ZFPM2: variants seen among roughly 807,000 people sequenced by gnomAD.
ZFPM2 encodes zinc finger protein ZFPM2.
ZFPM2 carries 20 observed loss-of-function variants against 98.6 expected under a neutral mutation model. The observed-to-expected ratio is 0.20, with a 90% CI of 0.14 to 0.29. ZFPM2 has a LOEUF of 0.29. Ranked by LOEUF, ZFPM2 falls within the 10% of genes least tolerant of loss-of-function variation. The pLI, the probability that ZFPM2 is intolerant of heterozygous loss-of-function variation, is 1.00. For missense variants in ZFPM2, 1,310 were observed against 1,388.6 expected, an observed-to-expected ratio of 0.94 and a Z score of 0.90; for synonymous variants, 518 against 502.7, an observed-to-expected ratio of 1.03 and a Z score of -0.41.
intron 4 of ZFPM2, among the ~76,000 whole-genome samples, chr8:105,607,174 A>C (rs931311684): frequency 3.9e-5 from 6 of 152,136 alleles, no homozygotes; most frequent in African/African-American, 1.4e-4. Context: ...ATTGGCTTAC[A>C]AATAGGTAAC....
chr8:105,783,976 T>C (rs548227062), intron 5 of ZFPM2, among the ~76,000 whole-genome samples: 8 of 152,306 alleles, frequency 5.3e-5, no homozygotes, highest in African/African-American at 1.7e-4. Context: ...TGTACAATTT[T>C]ACATACCCTC....
chr8:105,553,019 C>T (rs1814900180), intron 3 of ZFPM2, among the ~76,000 whole-genome samples: 1 of 151,788 alleles, frequency 6.6e-6, no homozygotes, highest in East Asian at 1.9e-4. Flanking sequence ...CCATGTTGCC[C>T]AGGCTGGTCT....
At chr8:105,499,681 AT>A (rs11295646) in intron 3 of ZFPM2, among the ~76,000 whole-genome samples, 103,209 of 151,226 alleles carry the variant, frequency 0.68, 35,690 homozygotes, top group African/African-American at 0.79. Flanking sequence ...TGAAACACTC[AT>A]TTTTTTTTCA....
chr8:105,584,887 A>G (rs1815679455), intron 4 of ZFPM2, among the ~76,000 whole-genome samples: 1 of 152,190 alleles, frequency 6.6e-6, no homozygotes, highest in Non-Finnish European at 1.5e-5. Flanking sequence ...CTTTAAAGGT[A>G]GAACGTTGGT....
intron 5 of ZFPM2, among the ~76,000 whole-genome samples, chr8:105,759,169 T>C (rs1319830465): frequency 6.6e-6 from 1 of 152,152 alleles, no homozygotes; most frequent in African/African-American, 2.4e-5. Flanking sequence ...GGCATGACAT[T>C]ATTACTTTAT....
intron 4 of ZFPM2, among the ~76,000 whole-genome samples, chr8:105,567,253 G>A (rs1586467779): frequency 6.6e-6 from 1 of 152,138 alleles, no homozygotes; most frequent in African/African-American, 2.4e-5. Context: ...TGCTCAGTGG[G>A]CACACCTGTG....
intron 4 of ZFPM2, among the ~76,000 whole-genome samples, chr8:105,633,675 C>A (rs1464268341): frequency 2.0e-5 from 3 of 152,124 alleles, no homozygotes; most frequent in Non-Finnish European, 2.9e-5. Flanking sequence ...TTTCTGGAGA[C>A]AATGTATGGT....
chr8:105,438,417 C>T (rs540601975), intron 2 of ZFPM2, among the ~76,000 whole-genome samples: 1 of 152,320 alleles, frequency 6.6e-6, no homozygotes, highest in South Asian at 2.1e-4. Flanking sequence ...CACTTTGTAT[C>T]ACTTCTGTTT....
chr8:105,582,589 TGTTTGTTTGTTC>T (rs981963958), intron 4 of ZFPM2, among the ~76,000 whole-genome samples: 2 of 152,028 alleles, frequency 1.3e-5, no homozygotes, highest in African/African-American at 4.8e-5. Context: ...TTGGCAGCAG[TGTTTGTTTGTTC>T]GTTTGTTTGT....
intron 5 of ZFPM2, among the ~76,000 whole-genome samples, chr8:105,681,466 G>C (rs1213557050): frequency 6.6e-6 from 1 of 151,948 alleles, no homozygotes; most frequent in African/African-American, 2.4e-5. Flanking sequence ...ATAATAGTTT[G>C]TCTGTAGATT....
intron 2 of ZFPM2, among the ~76,000 whole-genome samples, chr8:105,431,372 A>G (rs1481924512): frequency 6.6e-6 from 1 of 152,210 alleles, no homozygotes. Flanking sequence ...TAATTAATGA[A>G]TGAAAGCATA....
chr8:105,500,476 A>G (rs1813568595), intron 3 of ZFPM2, among the ~76,000 whole-genome samples: 1 of 152,132 alleles, frequency 6.6e-6, no homozygotes, highest in Non-Finnish European at 1.5e-5. Context: ...TGTGTATGTT[A>G]TAATTTTTTC....
At chr8:105,800,555 C>G (rs1429575892) in intron 7 of ZFPM2, among the ~76,000 whole-genome samples, 1 of 151,986 alleles carries the variant, frequency 6.6e-6, no homozygotes, top group Non-Finnish European at 1.5e-5. Context: ...AAAATGGTTT[C>G]TATTTGGCCT....
intron 1 of ZFPM2, among the ~76,000 whole-genome samples, chr8:105,337,148 T>G (rs1563610115): frequency 6.6e-6 from 1 of 151,730 alleles, no homozygotes; most frequent in Non-Finnish European, 1.5e-5. Flanking sequence ...GCTATTTCTA[T>G]CTCATCATTA....
chr8:105,686,731 C>T (rs550595345), intron 5 of ZFPM2, among the ~76,000 whole-genome samples: 134 of 152,192 alleles, frequency 8.8e-4, no homozygotes, highest in African/African-American at 3.1e-3. Context: ...AGTTAGCACA[C>T]GGTATTGACA....
chr8:105,582,741 G>A (rs1815630020), intron 4 of ZFPM2, among the ~76,000 whole-genome samples: 2 of 152,158 alleles, frequency 1.3e-5, no homozygotes, highest in East Asian at 1.9e-4. Flanking sequence ...CCACAAGCAT[G>A]TGCCACCATC....
At chr8:105,336,029 G>A (rs1349817568) in intron 1 of ZFPM2, among the ~76,000 whole-genome samples, 3 of 151,766 alleles carry the variant, frequency 2.0e-5, no homozygotes, top group Non-Finnish European at 2.9e-5. Context: ...CTGCCTATCC[G>A]ATGGCATTTG....
In ZFPM2 at chr8:105,768,706, T is replaced by C. The variant is rs1038848641; in HGVS notation, c.533-20012T>C. Among the ~76,000 whole-genome samples, 3 of 151,928 alleles carry C rather than the reference T, an allele frequency of 2.0e-5. No individual in the cohort carries two copies. The East Asian group carries it at 5.8e-4, about 29-fold the overall frequency. ...TTATCCCTTGAACTCTTTATTACAATGGATATAATAAAAATACCTACCTTG... is the reference window on the plus strand; with the variant it reads ...TTATCCCTTGAACTCTTTATTACAACGGATATAATAAAAATACCTACCTTG... On this transcript the variant is annotated intron_variant, in intron 5 of 7. Coordinates refer to ENST00000407775, the MANE Select transcript of ZFPM2 (RefSeq NM_012082.4).
At chr8:105,389,088 T>G (rs1334308759) in intron 1 of ZFPM2, among the ~76,000 whole-genome samples, 1 of 149,340 alleles carries the variant, frequency 6.7e-6, no homozygotes, top group Non-Finnish European at 1.5e-5. Context: ...GAATAGATAC[T>G]CTGACCCTTC....
Sources: gnomAD v4.1 joint callset for allele counts (sites outside exome capture counted in the v4.1 genomes callset) on GRCh38, gnomAD v4.1.1 for gene constraint, MANE v1.5 for transcripts, NCBI Gene and HGNC (gene_info 2026-07-23, HGNC 2026-07-21) for gene names.